The following GAS7 variants were observed in gnomAD, a reference collection of about 807,000 sequenced individuals.
The protein encoded by GAS7 is growth arrest-specific protein 7.
Under a neutral mutation model 71.1 loss-of-function variants are expected in GAS7, and 28 were observed. The ratio of observed to expected loss-of-function variants is 0.39; its 90% CI spans 0.29 to 0.54. The LOEUF is 0.54. Among genes scored for constraint, GAS7 ranks in the 20% least tolerant of loss-of-function variants. GAS7 has a pLI of 0.62. For missense variants in GAS7, 436 were observed against 627.8 expected (o/e 0.69, Z 3.27); for synonymous variants, 258 against 245.8 (o/e 1.05, Z -0.46).
chr17:10,127,558 A>C (rs1318154331), intron 1 of GAS7, among the ~76,000 whole-genome samples: 1 of 152,204 alleles, frequency 6.6e-6, no homozygotes, highest in Non-Finnish European at 1.5e-5. Flanking sequence ...GCACTCACAG[A>C]GGGACAGACT....
At chr17:10,177,775 AAT>A (rs995433296) in intron 1 of GAS7, among the ~76,000 whole-genome samples, 1 of 152,098 alleles carries the variant, frequency 6.6e-6, no homozygotes, top group South Asian at 2.1e-4. Context: ...GCTGTAGCTG[AAT>A]ATATATATAG....
chr17:9,930,526 C>T (rs886796745), intron 9 of GAS7, among the ~76,000 whole-genome samples: 1 of 152,228 alleles, frequency 6.6e-6, no homozygotes, highest in East Asian at 1.9e-4. Flanking sequence ...CTGCTCTTCT[C>T]CCTTCTTCAG....
chr17:10,066,577 C>G (rs57984114), intron 1 of GAS7, among the ~76,000 whole-genome samples: 15,133 of 152,228 alleles, frequency 0.099, 2,135 homozygotes, highest in African/African-American at 0.31. Flanking sequence ...CTCAGGCCAT[C>G]CCCTCACCTC....
At chr17:9,982,870 C>CAAAGA (rs1567853421) in intron 2 of GAS7, among the ~76,000 whole-genome samples, 1 of 131,378 alleles carries the variant, frequency 7.6e-6, no homozygotes. Context: ...AGAAAGAAAG[C>CAAAGA]AAAGAAAGCA....
At chr17:10,184,220 C>G (rs1463562133) in intron 1 of GAS7, among the ~76,000 whole-genome samples, 1 of 152,204 alleles carries the variant, frequency 6.6e-6, no homozygotes, top group Non-Finnish European at 1.5e-5. Flanking sequence ...ACCCTGCCCC[C>G]CAGCCTTTCC....
intron 2 of GAS7, among the ~76,000 whole-genome samples, chr17:9,993,818 C>T (rs1169734663): frequency 1.3e-5 from 2 of 151,666 alleles, no homozygotes; most frequent in African/African-American, 2.4e-5. Context: ...GGCTGATAAG[C>T]AACTTCAGCA....
intron 1 of GAS7, 116 bp from the exon 2 acceptor site, chr17:10,020,013 C>A (rs371905635): frequency 2.0e-6 from 2 of 1,024,844 alleles, no homozygotes; most frequent in South Asian, 2.9e-5. Context: ...GGGAAGTCTG[C>A]GGCCCATAAA....
At chr17:10,106,784 C>A (rs1314905886) in intron 1 of GAS7, among the ~76,000 whole-genome samples, 1 of 58,002 alleles carries the variant, frequency 1.7e-5, no homozygotes, top group Non-Finnish European at 3.4e-5. Flanking sequence ...GAAAGTGCCC[C>A]CCCCCCCAAA....
At chr17:10,005,027 C>CATATATA (rs2071416552) in intron 2 of GAS7, among the ~76,000 whole-genome samples, 1 of 123,340 alleles carries the variant, frequency 8.1e-6, no homozygotes, top group Non-Finnish European at 1.6e-5. Context: ...CGCTCTCTCT[C>CATATATA]TCTATATATA....
At chr17:9,992,392 T>C (rs910343746) in intron 2 of GAS7, among the ~76,000 whole-genome samples, 2 of 151,940 alleles carry the variant, frequency 1.3e-5, no homozygotes, top group African/African-American at 4.8e-5. Context: ...CCTCAGAGTC[T>C]TTCTAGAATA....
chr17:10,192,555 T>C (rs1002074885), intron 1 of GAS7, among the ~76,000 whole-genome samples: 18 of 152,210 alleles, frequency 1.2e-4, no homozygotes, highest in African/African-American at 4.3e-4. Context: ...CTCTCATTCA[T>C]GTTTCTAGGT....
At chr17:9,968,155 C>T (rs2069799364) in intron 4 of GAS7, among the ~76,000 whole-genome samples, 1 of 152,172 alleles carries the variant, frequency 6.6e-6, no homozygotes, top group South Asian at 2.1e-4. Context: ...AAGTAAGTTT[C>T]ACTTCAAACA....
chr17:10,191,427 A>C (rs1214544370), intron 1 of GAS7, among the ~76,000 whole-genome samples: 2 of 151,806 alleles, frequency 1.3e-5, no homozygotes, highest in Non-Finnish European at 2.9e-5. Context: ...AAAATTAGCC[A>C]GGCATGGTGG....
rs1047217599 is a variant in GAS7 at position 10,160,936 on chromosome 17, C to CCACACACA, written c.183+37271_183+37272insTGTGTGTG. Among the ~76,000 whole-genome samples the CCACACACA allele has an allele frequency of 1.3e-3, 118 of 93,754 alleles. 1 individual carries two copies. The highest frequency in any genetic ancestry group is 4.4e-3 in the African/African-American group (105 of 23,644). The allele number at this position is 93,754 out of a possible 152,430, so 61.5% of individuals were successfully genotyped here. A position where few individuals can be genotyped will look rare whatever the true frequency, so the allele number is the denominator to read the frequency against. ...AAGTTGGAAGCCATAGAAATTGAAA[C>CCACACACA]CATACACACACACACACACACACAC... On this transcript the variant is annotated intron_variant, in intron 1 of 13. Transcript: ENST00000432992.
intron 11 of GAS7, chr17:9,924,852 G>A (rs117955930): frequency 1.3e-5 from 2 of 152,234 alleles, no homozygotes; most frequent in East Asian, 1.9e-4. Flanking sequence ...TCTAGTTACC[G>A]AGGTTTTCAC....
At chr17:10,061,324 A>C (rs560324991) in intron 1 of GAS7, 1 of 152,394 alleles carries the variant, frequency 6.6e-6, no homozygotes, top group East Asian at 1.9e-4. Context: ...TTTCATATTC[A>C]GCAAAATAAA....
chr17:10,172,942 C>T (rs2142133211), intron 1 of GAS7, among the ~76,000 whole-genome samples: 1 of 152,340 alleles, frequency 6.6e-6, no homozygotes, highest in Admixed American at 6.5e-5. Flanking sequence ...TGTCCATCAA[C>T]TGATGGATGG....
At chr17:10,045,385 T>C (rs1027482615) in intron 1 of GAS7, among the ~76,000 whole-genome samples, 6 of 152,162 alleles carry the variant, frequency 3.9e-5, no homozygotes, top group African/African-American at 1.4e-4. Flanking sequence ...AATTTCTATG[T>C]GTCCCACCCC....
At chr17:10,072,230 G>A (rs992368403) in intron 1 of GAS7, among the ~76,000 whole-genome samples, 5 of 152,122 alleles carry the variant, frequency 3.3e-5, no homozygotes, top group South Asian at 2.1e-4. Context: ...CTCACTCAGC[G>A]CTATTACCTG....
Sources: allele counts gnomAD v4.1 joint callset (sites outside exome capture counted in the v4.1 genomes callset), GRCh38; gene constraint gnomAD v4.1.1; transcripts MANE v1.5; gene names NCBI Gene and HGNC (gene_info 2026-07-23, HGNC 2026-07-21).